Variants in ATOSA observed in about 807,000 individuals in gnomAD.
The protein encoded by ATOSA is atos homolog protein A.
At chr15:52,671,660 A>G in the ATOSA span, among the ~76,000 whole-genome samples, 1 of 152,238 alleles carries the variant, frequency 6.6e-6, no homozygotes, top group African/African-American at 2.4e-5. Context: ...GGGACATCTC[A>G]TTTAATAAAT....
At chr15:52,677,401 GTA>G in the ATOSA span, among the ~76,000 whole-genome samples, 1 of 152,158 alleles carries the variant, frequency 6.6e-6, no homozygotes, top group African/African-American at 2.4e-5. Context: ...GAAAAGCAGT[GTA>G]TATATTATTC....
At chr15:52,605,864 C>G in the ATOSA span, among the ~76,000 whole-genome samples, 1 of 151,970 alleles carries the variant, frequency 6.6e-6, no homozygotes, top group African/African-American at 2.4e-5. Flanking sequence ...ATGCCTGAAA[C>G]CACGTGTAGT....
At chr15:52,630,296 A>G in the ATOSA span, among the ~76,000 whole-genome samples, 1 of 152,220 alleles carries the variant, frequency 6.6e-6, no homozygotes, top group African/African-American at 2.4e-5. Flanking sequence ...GAAGGTTCCT[A>G]TGGACTAAGG....
chr15:52,697,686 C>A, the ATOSA span, among the ~76,000 whole-genome samples: 393 of 151,284 alleles, frequency 2.6e-3, 2 homozygotes, highest in Non-Finnish European at 4.1e-3. Flanking sequence ...ATATATCTAA[C>A]AAACAATTTG....
At chr15:52,606,660 G>A in the ATOSA span, among the ~76,000 whole-genome samples, 1 of 152,238 alleles carries the variant, frequency 6.6e-6, no homozygotes, top group East Asian at 1.9e-4. Context: ...TTAGATAACA[G>A]AAAAGATCAT....
chr15:52,655,626 T>C, the ATOSA span, among the ~76,000 whole-genome samples: 137 of 152,250 alleles, frequency 9.0e-4, no homozygotes, highest in African/African-American at 3.1e-3. Flanking sequence ...AAGGATAAAA[T>C]AGGACAGGAT....
At chr15:52,598,894 G>T in the ATOSA span, among the ~76,000 whole-genome samples, 1 of 151,988 alleles carries the variant, frequency 6.6e-6, no homozygotes, top group African/African-American at 2.4e-5. Flanking sequence ...TACGAGATCC[G>T]GTTGTTTAAA....
chr15:52,626,673 G>T, the ATOSA span, among the ~76,000 whole-genome samples: 2 of 152,110 alleles, frequency 1.3e-5, no homozygotes, highest in African/African-American at 4.8e-5. Flanking sequence ...CAACATAATG[G>T]TAAAGGGGGG....
chr15:52,600,460 T>G, the ATOSA span, among the ~76,000 whole-genome samples: 1 of 152,126 alleles, frequency 6.6e-6, no homozygotes, highest in South Asian at 2.1e-4. Context: ...TATTTACTTT[T>G]GTACAAAATT....
At chr15:52,694,168 ATTTT>A in the ATOSA span, among the ~76,000 whole-genome samples, 2 of 144,268 alleles carry the variant, frequency 1.4e-5, no homozygotes, top group Non-Finnish European at 1.5e-5. Flanking sequence ...ATATATATAT[ATTTT>A]TTTTTTTTTT....
At chr15:52,643,013 C>T in the ATOSA span, among the ~76,000 whole-genome samples, 1 of 152,044 alleles carries the variant, frequency 6.6e-6, no homozygotes, top group Non-Finnish European at 1.5e-5. Flanking sequence ...CCCTTTTATG[C>T]TCCCATCACA....
chr15:52,585,882 A>G, the ATOSA span: 1 of 152,214 alleles, frequency 6.6e-6, no homozygotes, highest in African/African-American at 2.4e-5. Flanking sequence ...AAATATATCA[A>G]TATCATAATC....
the ATOSA span, among the ~76,000 whole-genome samples, chr15:52,636,691 C>T: frequency 6.6e-6 from 1 of 152,142 alleles, no homozygotes; most frequent in African/African-American, 2.4e-5. Flanking sequence ...TTTGTTATGG[C>T]AGGCTGAGCT....
chr15:52,611,101 C>A, the ATOSA span: 1 of 1,588,050 alleles, frequency 6.3e-7, no homozygotes. Flanking sequence ...TGAATACGCA[C>A]TGTCCTTTTT....
At chr15:52,622,585 T>G in the ATOSA span, among the ~76,000 whole-genome samples, 1 of 152,180 alleles carries the variant, frequency 6.6e-6, no homozygotes, top group Non-Finnish European at 1.5e-5. Context: ...TATGCCATAA[T>G]TATAAAAAGG....
chr15:52,706,648 A>G, the ATOSA span, among the ~76,000 whole-genome samples: 1 of 152,214 alleles, frequency 6.6e-6, no homozygotes, highest in African/African-American at 2.4e-5. Context: ...GAGCATCCAA[A>G]TAAATAAGGA....
the ATOSA span, among the ~76,000 whole-genome samples, chr15:52,623,574 T>C: frequency 6.6e-6 from 1 of 151,964 alleles, no homozygotes; most frequent in Non-Finnish European, 1.5e-5. Flanking sequence ...CAGGCTGGTA[T>C]AATGGAAGCC....
At chr15:52,692,081 C>T in the ATOSA span, among the ~76,000 whole-genome samples, 1 of 151,870 alleles carries the variant, frequency 6.6e-6, no homozygotes, top group Non-Finnish European at 1.5e-5. Flanking sequence ...AGTCCTCCAT[C>T]CCCCCAAAAA....
chr15:52,694,466 G>C, the ATOSA span, among the ~76,000 whole-genome samples: 12 of 151,964 alleles, frequency 7.9e-5, no homozygotes, highest in Admixed American at 1.3e-4. Flanking sequence ...CACCCGGCCT[G>C]CTGAGTATAT....
Sources: gnomAD v4.1 joint callset for allele counts (sites outside exome capture counted in the v4.1 genomes callset) on GRCh38, gnomAD v4.1.1 for gene constraint, MANE v1.5 for transcripts, NCBI Gene and HGNC (gene_info 2026-07-23, HGNC 2026-07-21) for gene names.